MICU2: variants seen among roughly 807,000 people sequenced by gnomAD.
The protein encoded by MICU2 is mitochondrial calcium uptake 2, also known as calcium uptake protein 2, mitochondrial.
A neutral mutation model predicts 60.4 loss-of-function variants in MICU2; 64 were observed. That is an observed-to-expected ratio of 1.06 (90% CI 0.87 to 1.31). The LOEUF is 1.31. Among genes scored for constraint, MICU2 ranks in the 50% most tolerant of loss-of-function variants. The probability of loss-of-function intolerance (pLI) is 0.00; values close to 1 mark genes in which losing one functional copy is unlikely to be tolerated. For missense variants in MICU2, 569 were observed against 531.0 expected (o/e 1.07, Z -0.70); for synonymous variants, 201 against 175.0 (o/e 1.15, Z -1.17).
intron 4 of MICU2, among the ~76,000 whole-genome samples, chr13:21,525,033 TTGGGG>T (rs1886813565): frequency 6.6e-6 from 1 of 152,172 alleles, no homozygotes; most frequent in Non-Finnish European, 1.5e-5. Context: ...TGATGGACAT[TTGGGG>T]TGTTTCTACC....
Position 21,594,095 on chromosome 13 carries a change from A to G in MICU2, c.210+9844T>C, listed in dbSNP as rs373054699. 4.6e-5 allele frequency among the ~76,000 whole-genome samples: 7 copies of G among 152,228 alleles called. No individual in the cohort carries two copies. The East Asian group carries it at 1.3e-3, about 29-fold the overall frequency. The stretch of plus-strand genomic sequence containing the variant: ...AAACTATCATCAGGGTGAACAGGCA[A>G]CTTACAGAATGGGAGAAAATTTTTG... On this transcript the variant is annotated intron_variant, in intron 1 of 11. Transcript: ENST00000382374.
chr13:21,501,315 T>G (rs937391962), intron 9 of MICU2, among the ~76,000 whole-genome samples: 7 of 151,982 alleles, frequency 4.6e-5, no homozygotes, highest in Non-Finnish European at 7.4e-5. Flanking sequence ...CAGGCTGGAG[T>G]GCAGTGGCGC....
At chr13:21,583,527 T>C (rs888367935) in intron 1 of MICU2, among the ~76,000 whole-genome samples, 3 of 152,218 alleles carry the variant, frequency 2.0e-5, no homozygotes, top group African/African-American at 7.2e-5. Context: ...TCATATATAC[T>C]TCAACATATG....
chr13:21,512,872 C>A (rs1279399368), intron 7 of MICU2, among the ~76,000 whole-genome samples: 1 of 152,180 alleles, frequency 6.6e-6, no homozygotes, highest in Non-Finnish European at 1.5e-5. Context: ...GCTCTTACAT[C>A]TACTTGAATT....
intron 1 of MICU2, among the ~76,000 whole-genome samples, chr13:21,578,327 C>T (rs1888272617): frequency 6.6e-6 from 1 of 152,222 alleles, no homozygotes; most frequent in South Asian, 2.1e-4. Flanking sequence ...TGGCCCACGC[C>T]TTTAATCCCA....
At chr13:21,537,997 A>G (rs1445872245) in intron 4 of MICU2, among the ~76,000 whole-genome samples, 2 of 151,888 alleles carry the variant, frequency 1.3e-5, no homozygotes, top group African/African-American at 2.4e-5. Context: ...TCCTATTCAT[A>G]CTTCCTTTGT....
In MICU2 at chr13:21,566,931, T is replaced by C. The variant is rs1045993590; in HGVS notation, c.224A>G (p.His75Arg). 6 of 1,587,298 alleles carry C rather than the reference T, an allele frequency of 3.8e-6. No homozygotes were observed. Among genetic ancestry groups the C allele is most frequent in the Non-Finnish European group, 5.1e-6 (6 of 1,172,980 alleles). ...FTVSAQKNVE[H>R]GIIYIGKPSL... ...CGGTTTCCCAATATATATTATTCCA[T>C]GTTCAACATTTTTCTAAAAGAAAAA... Residue 75 changes from histidine (H) to arginine (R), a missense_variant, in exon 2 of 12, where the codon CAT becomes CGT. Transcript: ENST00000382374.
chr13:21,518,705 GAAT>G (rs1453459190), intron 6 of MICU2, among the ~76,000 whole-genome samples: 1 of 152,156 alleles, frequency 6.6e-6, no homozygotes, highest in African/African-American at 2.4e-5. Flanking sequence ...ACCCCCATAT[GAAT>G]AATAATAGTT....
chr13:21,595,759 T>C (rs1438104993), intron 1 of MICU2, among the ~76,000 whole-genome samples: 1 of 152,248 alleles, frequency 6.6e-6, no homozygotes, highest in East Asian at 1.9e-4. Context: ...CTTTATATTC[T>C]TGTGATAGGC....
Position 21,534,842 on chromosome 13 carries a change from C to CA in MICU2, c.466+4459dup, listed in dbSNP as rs1887094592. 2.0e-5 allele frequency among the ~76,000 whole-genome samples: 3 copies of CA among 151,982 alleles called. No homozygotes were observed. The South Asian group carries it at 6.2e-4, about 32-fold the overall frequency. On this transcript the variant is annotated intron_variant, in intron 4 of 11. Transcript: ENST00000382374. ...TCAGAGAGTACAGTGTAACAAAATACAAAAAATGAGAAAGCATAAGACTGT... is the reference window on the plus strand; with the variant it reads ...TCAGAGAGTACAGTGTAACAAAATACAAAAAAATGAGAAAGCATAAGACTGT...
intron 1 of MICU2, among the ~76,000 whole-genome samples, chr13:21,580,257 C>A (rs1888318730): frequency 6.6e-6 from 1 of 152,162 alleles, no homozygotes; most frequent in South Asian, 2.1e-4. Context: ...ACAAAGTTCT[C>A]TGGTGCAGGT....
At chr13:21,535,222 G>T (rs1236991111) in intron 4 of MICU2, among the ~76,000 whole-genome samples, 1 of 151,538 alleles carries the variant, frequency 6.6e-6, no homozygotes, top group Admixed American at 6.6e-5. Context: ...TTATATTTAT[G>T]TAGAGTTTTA....
Position 21,604,122 on chromosome 13 carries a change from C to A in MICU2, c.27G>T (p.Ala9=). Residue 9 remains alanine (A), a synonymous_variant, in exon 1 of 12, where the codon GCG becomes GCT. Coordinates refer to ENST00000382374, the MANE Select transcript of MICU2 (RefSeq NM_152726.3). ...GTTTTCCGCCCCAGGCCGCCACCCG[C>A]GCGCAGCTACCCGCAGCCGCCGCCA... MAAAAGSC[A]RVAAWGGKLR... 6.4e-7 allele frequency: 1 copy of A among 1,572,708 alleles called. No individual in the cohort carries two copies. The highest frequency in any genetic ancestry group is 1.4e-5 in the African/African-American group (1 of 72,884).
intron 10 of MICU2, 44 bp downstream of exon 10, chr13:21,496,008 T>C: frequency 7.3e-7 from 1 of 1,377,696 alleles, no homozygotes; most frequent in Admixed American, 1.9e-5. Context: ...ATAGTAAAAC[T>C]GTTTATAGAT....
Position 21,502,899 on chromosome 13 carries a change from A to G in MICU2, c.933+27T>C, listed in dbSNP as rs963669669. 5.1e-6 allele frequency: 8 copies of G among 1,571,610 alleles called. 1 individual carries two copies. Among genetic ancestry groups the G allele is most frequent in the Non-Finnish European group, 5.2e-6 (6 of 1,157,902 alleles). ...TCTAACTTATTATTTCATCTTTATC[A>G]CATGCATAATAAAAGGGTATACCAA... On this transcript the variant is annotated intron_variant, in intron 9 of 11. Coordinates refer to ENST00000382374, the MANE Select transcript of MICU2 (RefSeq NM_152726.3).
intron 2 of MICU2, among the ~76,000 whole-genome samples, chr13:21,559,230 T>A (rs1439032695): frequency 6.6e-6 from 1 of 152,218 alleles, no homozygotes; most frequent in Non-Finnish European, 1.5e-5. Context: ...ATGATGAAAG[T>A]CGACCATCTA....
At chr13:21,575,839 T>G (rs1164236663) in intron 1 of MICU2, among the ~76,000 whole-genome samples, 1 of 152,096 alleles carries the variant, frequency 6.6e-6, no homozygotes, top group East Asian at 1.9e-4. Context: ...TAAATAACAT[T>G]TTTCTTAAGA....
At chr13:21,496,557 G>C (rs902205864) in intron 9 of MICU2, 1 of 168,320 alleles carries the variant, frequency 5.9e-6, no homozygotes, top group African/African-American at 2.4e-5. Context: ...ACATAGCACT[G>C]AGTAAGAGCA....
intron 5 of MICU2, among the ~76,000 whole-genome samples, chr13:21,521,980 T>C (rs996540671): frequency 5.9e-5 from 9 of 152,320 alleles, no homozygotes; most frequent in Non-Finnish European, 8.8e-5. Flanking sequence ...GGTTTTACCA[T>C]GTTGCCCAAG....
Sources: allele counts gnomAD v4.1 joint callset (sites outside exome capture counted in the v4.1 genomes callset), GRCh38; gene constraint gnomAD v4.1.1; transcripts MANE v1.5; gene names NCBI Gene and HGNC (gene_info 2026-07-23, HGNC 2026-07-21).